The following SNTG1 variants were observed in gnomAD, a reference collection of about 807,000 sequenced individuals.
SNTG1 encodes the protein syntrophin gamma 1.
A neutral mutation model predicts 74.7 loss-of-function variants in SNTG1; 39 were observed. That is an observed-to-expected ratio of 0.52 (90% CI 0.40 to 0.68). SNTG1 has a LOEUF of 0.68. Among genes scored for constraint, SNTG1 ranks in the 30% least tolerant of loss-of-function variants. SNTG1 has a pLI of 0.00. For synonymous variants in SNTG1, 254 were observed against 217.1 expected, an observed-to-expected ratio of 1.17 and a Z score of -1.49; for missense variants, 685 against 609.5, an observed-to-expected ratio of 1.12 and a Z score of -1.30.
chr8:50,103,975 G>C (rs971841284), intron 1 of SNTG1, among the ~76,000 whole-genome samples: 1 of 152,132 alleles, frequency 6.6e-6, no homozygotes, highest in Non-Finnish European at 1.5e-5. Flanking sequence ...GTATTTTATT[G>C]AGGATTTTTG....
intron 1 of SNTG1, among the ~76,000 whole-genome samples, chr8:50,065,667 C>A (rs1346264601): frequency 6.6e-6 from 1 of 152,106 alleles, no homozygotes; most frequent in African/African-American, 2.4e-5. Flanking sequence ...ACTGATCCAA[C>A]AGAATGTTAT....
At chr8:50,457,417 A>T (rs1250075299) in intron 8 of SNTG1, among the ~76,000 whole-genome samples, 1 of 152,206 alleles carries the variant, frequency 6.6e-6, no homozygotes, top group Admixed American at 6.5e-5. Context: ...ACTCTTTCCG[A>T]ATTCTCTATC....
At chr8:50,664,617 A>C (rs1034893099) in intron 15 of SNTG1, among the ~76,000 whole-genome samples, 2 of 152,178 alleles carry the variant, frequency 1.3e-5, no homozygotes, top group African/African-American at 4.8e-5. Context: ...CTCTCTGGGC[A>C]CCATGATCAC....
intron 1 of SNTG1, among the ~76,000 whole-genome samples, chr8:49,974,597 T>A (rs375753277): frequency 1.3e-4 from 20 of 152,286 alleles, no homozygotes; most frequent in South Asian, 6.2e-4. Flanking sequence ...AAGAACATAG[T>A]CCTCACGTGC....
intron 2 of SNTG1, among the ~76,000 whole-genome samples, chr8:50,176,286 C>G (rs190864544): frequency 6.6e-6 from 1 of 152,152 alleles, no homozygotes; most frequent in Admixed American, 6.5e-5. Context: ...AATCATTGTT[C>G]AAGCTCCCAG....
At chr8:50,560,444 G>A (rs137969082) in intron 12 of SNTG1, among the ~76,000 whole-genome samples, 11 of 152,210 alleles carry the variant, frequency 7.2e-5, no homozygotes, top group African/African-American at 1.9e-4. Flanking sequence ...CACTATTCAC[G>A]ATAGCAAGGA....
chr8:50,233,228 G>A (rs376404660), intron 2 of SNTG1, among the ~76,000 whole-genome samples: 5 of 151,622 alleles, frequency 3.3e-5, no homozygotes, highest in South Asian at 4.1e-4. Flanking sequence ...TCAATGGACC[G>A]GAAGAGATGG....
At chr8:50,031,658 T>C (rs976024492) in intron 1 of SNTG1, among the ~76,000 whole-genome samples, 1 of 152,122 alleles carries the variant, frequency 6.6e-6, no homozygotes, top group Non-Finnish European at 1.5e-5. Flanking sequence ...TAAACTAGAC[T>C]TGCGACACTA....
chr8:50,172,313 C>T (rs1490569153), intron 1 of SNTG1, among the ~76,000 whole-genome samples: 1 of 152,156 alleles, frequency 6.6e-6, no homozygotes, highest in Non-Finnish European at 1.5e-5. Flanking sequence ...AAAGTGTGTT[C>T]TACAGAACTT....
At chr8:50,511,176 C>G (rs2094069832) in intron 9 of SNTG1, among the ~76,000 whole-genome samples, 1 of 152,150 alleles carries the variant, frequency 6.6e-6, no homozygotes, top group Admixed American at 6.5e-5. Flanking sequence ...GTTATATACC[C>G]AGTAGTCATT....
chr8:50,423,092 C>T (rs2093116490), intron 4 of SNTG1, among the ~76,000 whole-genome samples: 1 of 152,116 alleles, frequency 6.6e-6, no homozygotes, highest in African/African-American at 2.4e-5. Context: ...GATGATATAA[C>T]ATATTTTTGA....
intron 2 of SNTG1, among the ~76,000 whole-genome samples, chr8:50,348,697 T>A (rs946941394): frequency 6.6e-6 from 1 of 152,216 alleles, no homozygotes; most frequent in South Asian, 2.1e-4. Flanking sequence ...ATATGACCCA[T>A]AATGAATGTG....
At chr8:50,398,763 C>T (rs1187029183) in intron 3 of SNTG1, among the ~76,000 whole-genome samples, 1 of 152,118 alleles carries the variant, frequency 6.6e-6, no homozygotes, top group Non-Finnish European at 1.5e-5. Flanking sequence ...AACCCCGTCT[C>T]TACTAAAAAT....
intron 13 of SNTG1, chr8:50,644,266 T>G: frequency 6.6e-6 from 1 of 152,162 alleles, no homozygotes; most frequent in Non-Finnish European, 1.5e-5. Flanking sequence ...CAGTTGACCC[T>G]TGAACACTTG....
At chr8:50,324,110 A>G (rs1256560285) in intron 2 of SNTG1, among the ~76,000 whole-genome samples, 1 of 152,174 alleles carries the variant, frequency 6.6e-6, no homozygotes, top group East Asian at 1.9e-4. Context: ...CCTTCAGCCT[A>G]TGATGGCAAG....
chr8:50,327,748 C>G (rs2090809316), intron 2 of SNTG1, among the ~76,000 whole-genome samples: 1 of 151,860 alleles, frequency 6.6e-6, no homozygotes, highest in Non-Finnish European at 1.5e-5. Flanking sequence ...GTCTTCCATT[C>G]TGTTTCTGCA....
chr8:50,601,062 T>A (rs777810044), intron 13 of SNTG1, among the ~76,000 whole-genome samples: 1 of 143,790 alleles, frequency 7.0e-6, no homozygotes, highest in African/African-American at 2.6e-5. Context: ...TCCCAGCTGC[T>A]TGGGAGAATC....
chr8:50,391,412 G>A, intron 2 of SNTG1, among the ~76,000 whole-genome samples: 1 of 152,122 alleles, frequency 6.6e-6, no homozygotes, highest in Middle Eastern at 3.2e-3. Flanking sequence ...TGCCTACCAG[G>A]GATGAAGCCC....
At chr8:50,611,184 T>G (rs2094847284) in intron 13 of SNTG1, among the ~76,000 whole-genome samples, 1 of 152,140 alleles carries the variant, frequency 6.6e-6, no homozygotes, top group Non-Finnish European at 1.5e-5. Context: ...GATGTATCCT[T>G]TGGCAAAGGG....
Sources: gnomAD v4.1 joint callset for allele counts (sites outside exome capture counted in the v4.1 genomes callset) on GRCh38, gnomAD v4.1.1 for gene constraint, MANE v1.5 for transcripts, NCBI Gene and HGNC (gene_info 2026-07-23, HGNC 2026-07-21) for gene names.